The following FAP variants were observed in gnomAD, a reference collection of about 807,000 sequenced individuals.
FAP encodes fibroblast activation protein alpha, also known as prolyl endopeptidase FAP.
In FAP, 110 loss-of-function variants were observed where a neutral mutation model predicts 126.5. That is an observed-to-expected ratio of 0.87 (90% confidence interval 0.74 to 1.02). The LOEUF is 1.02. FAP is among the 50% of genes least tolerant of loss of function. The pLI, the probability that FAP is intolerant of heterozygous loss-of-function variation, is 0.00. For synonymous variants in FAP, 334 were observed against 297.3 expected, an observed-to-expected ratio of 1.12 and a Z score of -1.27; for missense variants, 919 against 909.2, an observed-to-expected ratio of 1.01 and a Z score of -0.14.
At position 162,224,469 on chromosome 2, in the gene FAP, T is replaced by C; in HGVS notation, c.357A>G (p.Ser119=). The C allele has an allele frequency of 6.4e-7, 1 of 1,574,434 alleles. No homozygotes were observed. The highest frequency in any genetic ancestry group is 8.6e-7 in the Non-Finnish European group (1 of 1,156,124). The change falls in exon 5 of 26, where the codon TCA becomes TCG. Residue 119 remains serine (S), a synonymous_variant. Coordinates refer to ENST00000188790, the MANE Select transcript of FAP (RefSeq NM_004460.5). The part of the protein sequence containing the change: ...RQFVYLESDY[S]KLWRYSYTAT... Reference sequence around the variant, plus strand: ...AACCAAATTAAATAGTTGATACCTTTGAATAATCACTTTCTAGATATACAA... The same window carrying C: ...AACCAAATTAAATAGTTGATACCTTCGAATAATCACTTTCTAGATATACAA...
chr2:162,241,699 C>T (rs1439271874), intron 2 of FAP, among the ~76,000 whole-genome samples: 1 of 152,164 alleles, frequency 6.6e-6, no homozygotes. Flanking sequence ...CCCAAGACCA[C>T]TGAGTTCAGA....
At chr2:162,189,312 C>T (rs1190724262) in intron 18 of FAP, 140 bp from the exon 19 acceptor site, 1 of 490,988 alleles carries the variant, frequency 2.0e-6, no homozygotes, top group African/African-American at 2.0e-5. Context: ...TTAAAAGTAA[C>T]TTTTATTAAA....
chr2:162,224,447 C>A lies in FAP; in HGVS notation c.360+19G>T, dbSNP rs1239436707. 2 of 1,481,160 alleles carry A rather than the reference C, an allele frequency of 1.4e-6. No individual in the cohort carries two copies. The highest frequency in any genetic ancestry group is 1.4e-5 in the African/African-American group (1 of 70,940). 91.8% of individuals were successfully genotyped at this position (1,481,160 alleles called of 1,614,324 possible). ...AGTAGGAGATACAATTGGATATAACCAAATTAAATAGTTGATACCTTTGAA... is the reference window on the plus strand; with the variant it reads ...AGTAGGAGATACAATTGGATATAACAAAATTAAATAGTTGATACCTTTGAA... On this transcript the variant is annotated intron_variant, in intron 5 of 25. Coordinates refer to ENST00000188790, the MANE Select transcript of FAP (RefSeq NM_004460.5).
chr2:162,230,536 A>G (rs975604420), intron 2 of FAP, among the ~76,000 whole-genome samples: 2 of 152,146 alleles, frequency 1.3e-5, no homozygotes, highest in Non-Finnish European at 2.9e-5. Flanking sequence ...GAATTAAAAA[A>G]AAAACCAACT....
At chr2:162,183,885 C>A (rs1469648077) in intron 20 of FAP, among the ~76,000 whole-genome samples, 1 of 152,092 alleles carries the variant, frequency 6.6e-6, no homozygotes, top group East Asian at 1.9e-4. Flanking sequence ...AATTTCTTAT[C>A]ACATTGTTGT....
Position 162,194,822 on chromosome 2 carries a change from A to G in FAP, c.1403-74T>C, listed in dbSNP as rs79874500. 1.2e-3 allele frequency: 1,665 copies of G among 1,346,502 alleles called. 3 individuals carry two copies. The highest frequency in any genetic ancestry group is 1.5e-3 in the Non-Finnish European group (1,405 of 937,564). 83.4% of individuals were successfully genotyped at this position (1,346,502 alleles called of 1,614,324 possible). On this transcript the variant is annotated intron_variant, in intron 16 of 25. Transcript: ENST00000188790. ...TTCCTTTTCAAGACGGGCTGCTGGTAGTATTTGTGATTAGTGTCAAGTGCC... is the reference window on the plus strand; with the variant it reads ...TTCCTTTTCAAGACGGGCTGCTGGTGGTATTTGTGATTAGTGTCAAGTGCC...
At chr2:162,226,132 G>A (rs1015740449) in intron 3 of FAP, among the ~76,000 whole-genome samples, 1 of 151,936 alleles carries the variant, frequency 6.6e-6, no homozygotes, top group Non-Finnish European at 1.5e-5. Context: ...ACCCTTAAAG[G>A]GTTCATTGTC....
chr2:162,185,235 A>T (rs1687824045), intron 20 of FAP, among the ~76,000 whole-genome samples: 1 of 152,182 alleles, frequency 6.6e-6, no homozygotes, highest in Non-Finnish European at 1.5e-5. Flanking sequence ...TCTCTCATAA[A>T]GTTGGCCCAA....
intron 12 of FAP, among the ~76,000 whole-genome samples, chr2:162,205,470 T>C (rs1191757096): frequency 6.6e-6 from 1 of 152,200 alleles, no homozygotes; most frequent in Non-Finnish European, 1.5e-5. Context: ...AGCTAAATGA[T>C]AATATACATA....
chr2:162,226,699 T>A (rs1576191292), intron 2 of FAP, 78 bp from the exon 3 acceptor site: 2 of 763,806 alleles, frequency 2.6e-6, no homozygotes, highest in Non-Finnish European at 4.4e-6. Flanking sequence ...GGCCTTCATC[T>A]GTTCTTTCTT....
chr2:162,181,330 A>G (rs1687689745), intron 21 of FAP, among the ~76,000 whole-genome samples: 1 of 152,136 alleles, frequency 6.6e-6, no homozygotes, highest in South Asian at 2.1e-4. Flanking sequence ...CAGAAGAATG[A>G]AGAGAAAGGT....
Position 162,225,537 on chromosome 2 carries a change from T to C in FAP, c.231A>G (p.Val77=). The C allele has an allele frequency of 6.2e-7, 1 of 1,600,264 alleles. No individual in the cohort carries two copies. The highest frequency in any genetic ancestry group is 8.5e-7 in the Non-Finnish European group (1 of 1,172,486). Residue 77 remains valine, a synonymous_variant, in exon 4 of 26, where the codon GTA becomes GTG. Coordinates refer to ENST00000188790, the MANE Select transcript of FAP (RefSeq NM_004460.5). ...ATTGTCCTGTTTCAATATTATAAAG[T>C]ACTATATTGTTATCTGCAGATTGAT... ...YLHQSADNNI[V]LYNIETGQSY...
At chr2:162,243,076 T>C in intron 1 of FAP, 84 bp from the exon 2 acceptor site, 2 of 1,085,416 alleles carry the variant, frequency 1.8e-6, no homozygotes, top group Admixed American at 2.0e-5. Context: ...ACCTAAATCC[T>C]TTTTCTCTCG....
chr2:162,202,991 C>G, intron 13 of FAP, 49 bp from the exon 14 acceptor site: 1 of 1,592,050 alleles, frequency 6.3e-7, no homozygotes, highest in Non-Finnish European at 8.6e-7. Context: ...GTTATTTGAG[C>G]AACCTCAAGT....
Position 162,225,541 on chromosome 2 carries a change from A to G in FAP, c.227T>C (p.Ile76Thr), listed in dbSNP as rs1014154086. 6.3e-7 allele frequency: 1 copy of G among 1,599,404 alleles called. No homozygotes were observed. The highest frequency in any genetic ancestry group is 1.7e-4 in the Middle Eastern group (1 of 5,970). Residue 76 changes from isoleucine to threonine, a missense_variant, in exon 4 of 26, where the codon ATA becomes ACA. By Grantham distance (89) the Ile-to-Thr change is moderately conservative. Transcript: ENST00000188790. ...EYLHQSADNN[I>T]VLYNIETGQS... ...TCCTGTTTCAATATTATAAAGTACT[A>G]TATTGTTATCTGCAGATTGATGAAG...
At chr2:162,227,329 A>C (rs1369382884) in intron 2 of FAP, among the ~76,000 whole-genome samples, 2 of 152,150 alleles carry the variant, frequency 1.3e-5, no homozygotes, top group African/African-American at 4.8e-5. Flanking sequence ...CAGCTCACAA[A>C]CCACAAACAA....
intron 12 of FAP, among the ~76,000 whole-genome samples, chr2:162,207,146 T>C (rs1280162441): frequency 6.6e-6 from 1 of 152,212 alleles, no homozygotes; most frequent in East Asian, 1.9e-4. Flanking sequence ...AGTTTCATTA[T>C]AGGTCAAAGG....
At chr2:162,233,587 C>G (rs1301919118) in intron 2 of FAP, among the ~76,000 whole-genome samples, 1 of 151,992 alleles carries the variant, frequency 6.6e-6, no homozygotes, top group Non-Finnish European at 1.5e-5. Flanking sequence ...TATTATTGAG[C>G]TGCCAGAATT....
chr2:162,224,450 A>T lies in FAP; in HGVS notation c.360+16T>A. On this transcript the variant is annotated intron_variant, in intron 5 of 25. Coordinates refer to ENST00000188790, the MANE Select transcript of FAP (RefSeq NM_004460.5). ...AGGAGATACAATTGGATATAACCAA[A>T]TTAAATAGTTGATACCTTTGAATAA... is the stretch of plus-strand genomic sequence containing the variant. 6.6e-7 allele frequency: 1 copy of T among 1,505,328 alleles called. No homozygotes were observed. The allele number at this position is 1,505,328 out of a possible 1,614,324, so 93.2% of individuals were successfully genotyped here.
Sources: allele counts gnomAD v4.1 joint callset (sites outside exome capture counted in the v4.1 genomes callset), GRCh38; gene constraint gnomAD v4.1.1; transcripts MANE v1.5; gene names NCBI Gene and HGNC (gene_info 2026-07-23, HGNC 2026-07-21).